The following CFAP161 variants were observed in gnomAD, a reference collection of about 807,000 sequenced individuals.
The protein encoded by CFAP161 is cilia- and flagella-associated protein 161.
In CFAP161, 25 loss-of-function variants were observed where a neutral mutation model predicts 29.0. The ratio of observed to expected loss-of-function variants is 0.86; its 90% CI spans 0.63 to 1.20. The LOEUF (loss-of-function observed/expected upper bound fraction) is 1.20, where lower values mean the gene tolerates loss of function less well. CFAP161 is among the 50% of genes most tolerant of loss of function. The pLI, the probability that CFAP161 is intolerant of heterozygous loss-of-function variation, is 0.00. For missense variants in CFAP161, 367 were observed against 371.9 expected (o/e 0.99, Z 0.11); for synonymous variants, 116 against 137.4 (o/e 0.84, Z 1.09).
chr15:81,143,923 TTCTC>T (rs1333923526), intron 5 of CFAP161, 103 bp downstream of exon 5: 23 of 1,276,722 alleles, frequency 1.8e-5, no homozygotes, highest in East Asian at 1.7e-4. Flanking sequence ...CCTTATGACT[TTCTC>T]TCTCTTTTCT....
intron 1 of CFAP161, among the ~76,000 whole-genome samples, chr15:81,123,951 G>A (rs2141870604): frequency 6.6e-6 from 1 of 152,230 alleles, no homozygotes; most frequent in Admixed American, 6.5e-5. Flanking sequence ...GAGACGATGG[G>A]GTTTTCTAGA....
chr15:81,120,599 C>T (rs1894559610), intron 1 of CFAP161, among the ~76,000 whole-genome samples: 1 of 152,164 alleles, frequency 6.6e-6, no homozygotes, highest in Non-Finnish European at 1.5e-5. Context: ...GAGACCTCGT[C>T]TCCACACACA....
chr15:81,111,386 A>G (rs1040715663), intron 1 of CFAP161, among the ~76,000 whole-genome samples: 5 of 152,278 alleles, frequency 3.3e-5, no homozygotes, highest in Non-Finnish European at 5.9e-5. Context: ...TTCTTTTCTT[A>G]TTTAGTTCCA....
intron 1 of CFAP161, among the ~76,000 whole-genome samples, chr15:81,121,515 C>A (rs1040642232): frequency 6.5e-5 from 2 of 30,540 alleles, no homozygotes. Flanking sequence ...TCATCAAAAA[C>A]ACATCTGACT....
At chr15:81,099,846 T>G (rs1196636698) in intron 1 of CFAP161, among the ~76,000 whole-genome samples, 1 of 152,222 alleles carries the variant, frequency 6.6e-6, no homozygotes, top group Non-Finnish European at 1.5e-5. Context: ...TCTGTTTTAT[T>G]AGACCTAAAG....
chr15:81,110,387 C>T (rs1479398140), intron 1 of CFAP161, among the ~76,000 whole-genome samples: 4 of 152,020 alleles, frequency 2.6e-5, no homozygotes, highest in Non-Finnish European at 5.9e-5. Flanking sequence ...TGACTTGAAG[C>T]CCCCCACTCC....
chr15:81,145,070 G>A (rs960215528), intron 5 of CFAP161, among the ~76,000 whole-genome samples: 9 of 152,156 alleles, frequency 5.9e-5, no homozygotes, highest in Admixed American at 5.2e-4. Context: ...TGTGTTGGTA[G>A]CCACTGCGTT....
chr15:81,109,843 G>C (rs1894419411), intron 1 of CFAP161, among the ~76,000 whole-genome samples: 1 of 152,118 alleles, frequency 6.6e-6, no homozygotes, highest in Non-Finnish European at 1.5e-5. Context: ...GTCTACCACT[G>C]CAGGCTTCAT....
rs144069287 is a variant in CFAP161, at chr15:81,144,233, A to C, written c.636+413A>C. On this transcript the variant is annotated intron_variant, in intron 5 of 6. Transcript: ENST00000286732. ...TCAGGATAAGAACCACTGATGTGCGATCATGAGCGTTGTGACACTGCTTCC... is the reference window on the plus strand; with the variant it reads ...TCAGGATAAGAACCACTGATGTGCGCTCATGAGCGTTGTGACACTGCTTCC... Among the ~76,000 whole-genome samples the C allele has an allele frequency of 1.4e-3, 218 of 152,316 alleles. 1 individual carries two copies. The highest frequency in any genetic ancestry group is 4.9e-3 in the African/African-American group (203 of 41,576).
At chr15:81,111,622 A>T (rs924380089) in intron 1 of CFAP161, among the ~76,000 whole-genome samples, 1 of 151,204 alleles carries the variant, frequency 6.6e-6, no homozygotes, top group Non-Finnish European at 1.5e-5. Context: ...AAAACCACCA[A>T]CTCTTGCCTC....
upstream of CFAP161, among the ~76,000 whole-genome samples, chr15:81,134,035 G>C (rs1249641302): frequency 6.6e-6 from 1 of 152,158 alleles, no homozygotes; most frequent in African/African-American, 2.4e-5. Context: ...GATTCTAATA[G>C]AAAGAAAGCT....
chr15:81,143,516 A>G, intron 4 of CFAP161, 146 bp from the exon 5 acceptor site: 1 of 856,180 alleles, frequency 1.2e-6, no homozygotes, highest in Non-Finnish European at 1.8e-6. Context: ...GGTAGAGGAA[A>G]ATTGTGCTTT....
intron 1 of CFAP161, among the ~76,000 whole-genome samples, chr15:81,116,349 A>G (rs890708172): frequency 5.9e-5 from 9 of 152,246 alleles, no homozygotes; most frequent in African/African-American, 2.2e-4. Context: ...GCTGGAGTGC[A>G]GTGGCACAAT....
At chr15:81,102,420 C>T (rs1894314018) in intron 1 of CFAP161, among the ~76,000 whole-genome samples, 1 of 152,166 alleles carries the variant, frequency 6.6e-6, no homozygotes, top group African/African-American at 2.4e-5. Context: ...ATAATCCCAG[C>T]ACTTTGGGAG....
chr15:81,100,953 A>G (rs1395550417), intron 1 of CFAP161, among the ~76,000 whole-genome samples: 2 of 152,162 alleles, frequency 1.3e-5, no homozygotes, highest in African/African-American at 4.8e-5. Context: ...CTGTGTTACT[A>G]GTTCAATAAC....
chr15:81,122,431 T>C (rs949917369), intron 1 of CFAP161, among the ~76,000 whole-genome samples: 7 of 152,100 alleles, frequency 4.6e-5, no homozygotes, highest in Non-Finnish European at 8.8e-5. Context: ...TGGTATCTCA[T>C]TGTGGTGTTG....
intron 5 of CFAP161, among the ~76,000 whole-genome samples, chr15:81,145,392 G>C (rs754370778): frequency 4.6e-5 from 7 of 152,156 alleles, no homozygotes; most frequent in Admixed American, 2.6e-4. Context: ...GGTGTTAATA[G>C]TACCTACCTC....
At chr15:81,101,138 T>C (rs953049907) in intron 1 of CFAP161, among the ~76,000 whole-genome samples, 2 of 152,192 alleles carry the variant, frequency 1.3e-5, no homozygotes, top group African/African-American at 4.8e-5. Flanking sequence ...ATGGAAATAT[T>C]TAACAACCTG....
intron 1 of CFAP161, among the ~76,000 whole-genome samples, chr15:81,115,704 A>G (rs1894488774): frequency 6.6e-6 from 1 of 152,128 alleles, no homozygotes; most frequent in Non-Finnish European, 1.5e-5. Context: ...GTTTTGAGAC[A>G]GGGCTCACTC....
Sources: gnomAD v4.1 joint callset for allele counts (sites outside exome capture counted in the v4.1 genomes callset) on GRCh38, gnomAD v4.1.1 for gene constraint, MANE v1.5 for transcripts, NCBI Gene and HGNC (gene_info 2026-07-23, HGNC 2026-07-21) for gene names.